The following SRGAP1 variants were observed in gnomAD, a reference collection of about 807,000 sequenced individuals.
SRGAP1 encodes SLIT-ROBO Rho GTPase activating protein 1.
A neutral mutation model predicts 121.9 loss-of-function variants in SRGAP1; 43 were observed. The ratio of observed to expected loss-of-function variants is 0.35; its 90% confidence interval spans 0.28 to 0.46. The LOEUF (loss-of-function observed/expected upper bound fraction) is 0.46, where lower values mean the gene tolerates loss of function less well. Among genes scored for constraint, SRGAP1 ranks in the 20% least tolerant of loss-of-function variants. The pLI, the probability that SRGAP1 is intolerant of heterozygous loss-of-function variation, is 1.00. For synonymous variants in SRGAP1, 447 were observed against 485.4 expected (o/e 0.92, Z 1.04); for missense variants, 1,102 against 1,350.9 (o/e 0.82, Z 2.89).
At chr12:64,108,522 A>T (rs1485107519) in intron 15 of SRGAP1, among the ~76,000 whole-genome samples, 1 of 152,250 alleles carries the variant, frequency 6.6e-6, no homozygotes, top group Non-Finnish European at 1.5e-5. Flanking sequence ...TGCCTGGATC[A>T]TAATTATAGA....
chr12:63,859,844 T>C (rs1899386845), intron 1 of SRGAP1, among the ~76,000 whole-genome samples: 1 of 152,172 alleles, frequency 6.6e-6, no homozygotes, highest in Non-Finnish European at 1.5e-5. Flanking sequence ...AAGAAAGGCA[T>C]CTTTTCTTCC....
chr12:64,096,580 C>T (rs1305036399), intron 14 of SRGAP1, among the ~76,000 whole-genome samples: 2 of 152,024 alleles, frequency 1.3e-5, no homozygotes, highest in African/African-American at 2.4e-5. Context: ...AAGTTGTTTA[C>T]CATAAAAAAA....
intron 6 of SRGAP1, among the ~76,000 whole-genome samples, chr12:64,050,944 G>A (rs926716606): frequency 4.6e-5 from 7 of 152,038 alleles, no homozygotes; most frequent in East Asian, 1.9e-4. Flanking sequence ...GGCTGGTTTC[G>A]AACTCCTGAC....
intron 1 of SRGAP1, among the ~76,000 whole-genome samples, chr12:63,918,123 G>T (rs546509951): frequency 6.6e-6 from 1 of 152,282 alleles, no homozygotes; most frequent in Admixed American, 6.5e-5. Context: ...ACTGCGTAAA[G>T]AATGCAGATT....
intron 16 of SRGAP1, among the ~76,000 whole-genome samples, chr12:64,109,345 T>G (rs1212215253): frequency 6.6e-6 from 1 of 152,150 alleles, no homozygotes; most frequent in African/African-American, 2.4e-5. Flanking sequence ...TCCAAAACTG[T>G]CATGAATGTT....
chr12:63,953,399 A>ATTTTTTTTTTTTTT (rs34352334), intron 1 of SRGAP1, among the ~76,000 whole-genome samples: 1 of 114,704 alleles, frequency 8.7e-6, no homozygotes, highest in Non-Finnish European at 1.8e-5. Flanking sequence ...TTCTTGATTG[A>ATTTTTTTTTTTTTT]TTTTTTTTTT....
At chr12:64,042,712 A>AAGGT (rs2035049423) in intron 4 of SRGAP1, 78 bp from the exon 5 acceptor site, 1 of 1,147,972 alleles carries the variant, frequency 8.7e-7, no homozygotes, top group African/African-American at 1.5e-5. Flanking sequence ...TGTATCATAT[A>AAGGT]CGTCGTATAA....
intron 21 of SRGAP1, among the ~76,000 whole-genome samples, chr12:64,134,488 C>T (rs2036830900): frequency 6.6e-6 from 1 of 152,016 alleles, no homozygotes; most frequent in South Asian, 2.1e-4. Context: ...GTCAAGGACT[C>T]TCCCAGCTGG....
chr12:63,911,298 CAAA>C (rs10715790), intron 1 of SRGAP1, among the ~76,000 whole-genome samples: 16 of 90,234 alleles, frequency 1.8e-4, no homozygotes, highest in Admixed American at 3.4e-4. Context: ...GACTCTGTCT[CAAA>C]AAAAAAAAAA....
intron 1 of SRGAP1, among the ~76,000 whole-genome samples, chr12:63,870,135 T>C (rs958384433): frequency 1.3e-5 from 2 of 152,246 alleles, no homozygotes; most frequent in Admixed American, 6.5e-5. Context: ...ATCTTTGACC[T>C]AATAAGAGTT....
At chr12:64,002,431 G>A (rs938695699) in intron 3 of SRGAP1, among the ~76,000 whole-genome samples, 1 of 152,194 alleles carries the variant, frequency 6.6e-6, no homozygotes, top group Non-Finnish European at 1.5e-5. Flanking sequence ...GTCATAAGGA[G>A]TGTTTAGTAG....
intron 8 of SRGAP1, among the ~76,000 whole-genome samples, chr12:64,074,009 G>A (rs2035690344): frequency 6.6e-6 from 1 of 152,094 alleles, no homozygotes. Context: ...ACTGATATCT[G>A]AAGAACATTA....
intron 4 of SRGAP1, among the ~76,000 whole-genome samples, chr12:64,028,954 C>T (rs1489548941): frequency 1.3e-5 from 2 of 152,176 alleles, no homozygotes; most frequent in Non-Finnish European, 2.9e-5. Context: ...TTCATTTACT[C>T]ATTTATTCAT....
At chr12:64,130,562 C>T (rs537424369) in intron 21 of SRGAP1, among the ~76,000 whole-genome samples, 2 of 152,170 alleles carry the variant, frequency 1.3e-5, no homozygotes, top group South Asian at 2.1e-4. Context: ...GGAACTTTGC[C>T]CCAGCCCTGC....
Position 63,902,166 on chromosome 12 carries a change from A to T in SRGAP1, c.67+57283A>T, listed in dbSNP as rs559158474. Among the ~76,000 whole-genome samples, 5 of 152,316 alleles carry T rather than the reference A, an allele frequency of 3.3e-5. No individual in the cohort carries two copies. The East Asian group carries it at 5.8e-4, about 18-fold the overall frequency. On this transcript the variant is annotated intron_variant, in intron 1 of 21. Transcript: ENST00000355086. ...CCCATCGCTATTAAAAAATTTATTT[A>T]AAAACATTTTACAAAAGTTGAGATC...
chr12:64,040,657 T>C (rs989339967), intron 4 of SRGAP1, among the ~76,000 whole-genome samples: 4 of 152,220 alleles, frequency 2.6e-5, no homozygotes, highest in Non-Finnish European at 4.4e-5. Flanking sequence ...TCTGTGACTC[T>C]GAAATCTGTG....
At chr12:64,049,598 C>T (rs992010907) in intron 6 of SRGAP1, among the ~76,000 whole-genome samples, 5 of 152,148 alleles carry the variant, frequency 3.3e-5, no homozygotes, top group African/African-American at 1.2e-4. Flanking sequence ...ATTATGGGAA[C>T]TACAATTCAA....
chr12:63,872,375 A>G (rs1330085378), intron 1 of SRGAP1, among the ~76,000 whole-genome samples: 1 of 152,210 alleles, frequency 6.6e-6, no homozygotes, highest in East Asian at 1.9e-4. Context: ...CCAGAAATTA[A>G]TTTAAGTTTC....
intron 1 of SRGAP1, among the ~76,000 whole-genome samples, chr12:63,921,643 A>G (rs553829085): frequency 6.6e-6 from 1 of 152,324 alleles, no homozygotes; most frequent in Non-Finnish European, 1.5e-5. Context: ...CACGCCTGCC[A>G]CAACTAAGGA....
Sources: allele counts gnomAD v4.1 joint callset (sites outside exome capture counted in the v4.1 genomes callset), GRCh38; gene constraint gnomAD v4.1.1; transcripts MANE v1.5; gene names NCBI Gene and HGNC (gene_info 2026-07-23, HGNC 2026-07-21).